NBAS: variants seen among roughly 807,000 people sequenced by gnomAD.
NBAS encodes NAG/BC035112 fusion.
In NBAS, 219 loss-of-function variants were observed where a neutral mutation model predicts 302.5. The observed-to-expected ratio is 0.72, with a 90% confidence interval of 0.65 to 0.81. The LOEUF is 0.81. Among genes scored for constraint, NBAS ranks in the 30% least tolerant of loss-of-function variants. The pLI is 0.00. For synonymous variants in NBAS, 1,118 were observed against 1,021.6 expected (o/e 1.09, Z -1.80); for missense variants, 2,932 against 2,841.6 (o/e 1.03, Z -0.72).
the NBAS span, among the ~76,000 whole-genome samples, chr2:15,092,805 G>A: frequency 6.6e-6 from 1 of 152,326 alleles, no homozygotes; most frequent in African/African-American, 2.4e-5. Context: ...ATTTGCATAT[G>A]ACATGATTAT....
chr2:15,099,628 C>A, the NBAS span, among the ~76,000 whole-genome samples: 11 of 151,764 alleles, frequency 7.2e-5, 1 homozygote, highest in African/African-American at 2.7e-4. Context: ...CTCACAATGA[C>A]CCTGGCACGC....
chr2:15,354,928 G>A (rs1673539767), intron 33 of NBAS, among the ~76,000 whole-genome samples: 1 of 152,068 alleles, frequency 6.6e-6, no homozygotes, highest in Non-Finnish European at 1.5e-5. Flanking sequence ...TTTTAGCAAG[G>A]ATCCCCTGCC....
the NBAS span, among the ~76,000 whole-genome samples, chr2:14,951,261 A>T: frequency 6.6e-6 from 1 of 152,208 alleles, no homozygotes; most frequent in East Asian, 1.9e-4. Context: ...GAAGAGAGTG[A>T]TCCAGAAACG....
At chr2:15,509,032 C>T (rs767968991) in intron 10 of NBAS, among the ~76,000 whole-genome samples, 10 of 152,148 alleles carry the variant, frequency 6.6e-5, no homozygotes, top group Non-Finnish European at 1.2e-4. Context: ...CCTGAAACAT[C>T]TTGCATATAA....
the NBAS span, among the ~76,000 whole-genome samples, chr2:15,030,213 A>G: frequency 2.6e-5 from 4 of 152,188 alleles, no homozygotes; most frequent in African/African-American, 9.6e-5. Flanking sequence ...ACAAAAAAAA[A>G]TACACAGGAG....
intron 10 of NBAS, among the ~76,000 whole-genome samples, chr2:15,508,937 T>C (rs917299889): frequency 1.3e-5 from 2 of 152,008 alleles, no homozygotes; most frequent in African/African-American, 2.4e-5. Context: ...CGGGAGACGG[T>C]GGTTGCAGTG....
At chr2:15,469,698 G>A (rs1289962352) in intron 16 of NBAS, among the ~76,000 whole-genome samples, 2 of 152,084 alleles carry the variant, frequency 1.3e-5, no homozygotes, top group African/African-American at 2.4e-5. Flanking sequence ...GGACATAGAT[G>A]AAGCTGGAAA....
chr2:15,523,214 G>A (rs150403545), intron 9 of NBAS, among the ~76,000 whole-genome samples: 380 of 152,224 alleles, frequency 2.5e-3, no homozygotes, highest in African/African-American at 8.4e-3. Context: ...TGAGAACCTC[G>A]AGAGATTACT....
At chr2:15,178,952 A>G in intron 51 of NBAS, 36 bp downstream of exon 51, 2 of 1,613,364 alleles carry the variant, frequency 1.2e-6, no homozygotes, top group Non-Finnish European at 8.5e-7. Context: ...ACATTAAAAA[A>G]AAAAAAAGAA....
chr2:15,417,857 C>G, intron 23 of NBAS, 145 bp from the exon 24 acceptor site: 1 of 744,608 alleles, frequency 1.3e-6, no homozygotes, highest in South Asian at 1.9e-5. Context: ...TTATTTACTG[C>G]AAAAACATCA....
chr2:15,162,468 C>T (rs1337566614), downstream of NBAS, among the ~76,000 whole-genome samples: 3 of 152,196 alleles, frequency 2.0e-5, no homozygotes, highest in African/African-American at 7.2e-5. Flanking sequence ...GGAGCAGAAA[C>T]TCACACTCCA....
At chr2:14,796,719 A>G in the NBAS span, among the ~76,000 whole-genome samples, 3 of 151,998 alleles carry the variant, frequency 2.0e-5, no homozygotes, top group South Asian at 4.2e-4. Flanking sequence ...GAAGTCCACA[A>G]CCTGAGTGAG....
intron 30 of NBAS, among the ~76,000 whole-genome samples, chr2:15,376,206 T>C (rs1444717781): frequency 1.3e-5 from 2 of 152,154 alleles, no homozygotes; most frequent in Non-Finnish European, 2.9e-5. Context: ...ATTTCCTGCA[T>C]TCAATATAAC....
chr2:15,342,856 T>C (rs1672918827), intron 35 of NBAS, among the ~76,000 whole-genome samples: 1 of 152,000 alleles, frequency 6.6e-6, no homozygotes, highest in Non-Finnish European at 1.5e-5. Flanking sequence ...AAATGAATTA[T>C]TAAAATTAAA....
rs542419082 is a variant in NBAS at position 15,315,926 on chromosome 2, A to C, written c.4583-6679T>G. Among the ~76,000 whole-genome samples the C allele has an allele frequency of 2.0e-5, 3 of 152,298 alleles. No homozygotes were observed. The South Asian group carries it at 6.2e-4, about 32-fold the overall frequency. On this transcript the variant is annotated intron_variant, in intron 38 of 51. Transcript: ENST00000281513. ...GCCCTCACCCAGACTCAGAGATCCT[A>C]ATAAAGTAGAAATCAAAACCCACAC...
At chr2:15,246,118 G>C (rs1187334962) in intron 44 of NBAS, among the ~76,000 whole-genome samples, 1 of 152,190 alleles carries the variant, frequency 6.6e-6, no homozygotes, top group Non-Finnish European at 1.5e-5. Context: ...TAATTACATG[G>C]AAATGTCTCC....
In NBAS at chr2:15,275,835, G is replaced by A. The variant is rs772780720; in HGVS notation, c.5390-17C>T. 5.0e-6 allele frequency: 8 copies of A among 1,599,482 alleles called. No homozygotes were observed. The highest frequency in any genetic ancestry group is 6.8e-6 in the Non-Finnish European group (8 of 1,171,824). ...AATTAAGACCTAGCAGAAAAAAAAA[G>A]AAAGTAGGTAAGTGGTTCATTCCAA... On this transcript the variant is annotated splice_polypyrimidine_tract_variant and intron_variant, in intron 43 of 51. Transcript: ENST00000281513.
intron 36 of NBAS, among the ~76,000 whole-genome samples, chr2:15,328,845 C>T (rs368730531): frequency 1.0e-3 from 154 of 152,262 alleles, no homozygotes; most frequent in African/African-American, 3.5e-3. Flanking sequence ...GCATCCTATC[C>T]GCTTCTATGT....
intron 47 of NBAS, among the ~76,000 whole-genome samples, chr2:15,229,340 C>CA (rs1331577908): frequency 8.2e-4 from 8 of 9,706 alleles, no homozygotes; most frequent in East Asian, 4.0e-3. Flanking sequence ...GACTCTGTCT[C>CA]AAAAAACAAA....
Sources: allele counts gnomAD v4.1 joint callset (sites outside exome capture counted in the v4.1 genomes callset), GRCh38; gene constraint gnomAD v4.1.1; transcripts MANE v1.5; gene names NCBI Gene and HGNC (gene_info 2026-07-23, HGNC 2026-07-21).